Variants in NKX3-2 observed in about 807,000 individuals in gnomAD.
The protein encoded by NKX3-2 is homeobox protein Nkx-3.2.
NKX3-2 carries 13 observed loss-of-function variants against 19.4 expected under a neutral mutation model. That is an observed-to-expected ratio of 0.67 (90% CI 0.44 to 1.07). NKX3-2 has a LOEUF of 1.07. Among genes scored for constraint, NKX3-2 ranks in the 50% least tolerant of loss-of-function variants. The probability of loss-of-function intolerance (pLI) is 0.00; values close to 1 mark genes in which losing one functional copy is unlikely to be tolerated. For missense variants in NKX3-2, 562 were observed against 488.2 expected, an observed-to-expected ratio of 1.15 and a Z score of -1.42; for synonymous variants, 269 against 230.5, an observed-to-expected ratio of 1.17 and a Z score of -1.51.
Position 13,542,309 on chromosome 4 carries a change from C to G in NKX3-2, c.686G>C (p.Arg229Pro). Reference protein sequence around the residue: ...FELERRFNHQRYLSGPERADL... With the variant: ...FELERRFNHQPYLSGPERADL... ...TGCGCGCTCGGGCCCGGACAGGTAG[C>G]GCTGGTGGTTAAAGCGGCGCTCCAG... The change falls in exon 2 of 2, where the codon CGC becomes CCC. Residue 229 changes from arginine (R) to proline (P), a missense_variant. By Grantham distance (103) the Arg-to-Pro change is moderately radical (BLOSUM62 -2). Coordinates refer to ENST00000382438, the MANE Select transcript of NKX3-2 (RefSeq NM_001189.4). The surrounding 1 kb of genome is among the most constrained non-coding windows in gnomAD (Gnocchi z 6.4). The G allele has an allele frequency of 1.2e-6, 2 of 1,601,918 alleles. No homozygotes were observed. The highest frequency in any genetic ancestry group is 1.7e-6 in the Non-Finnish European group (2 of 1,175,528).
upstream of NKX3-2, chr4:13,546,729 T>C (rs1274632313): frequency 2.8e-6 from 1 of 362,570 alleles, no homozygotes; most frequent in African/African-American, 2.1e-5. Flanking sequence ...TAGAGTAGGT[T>C]TGGGGCTACG....
rs557551943 is a variant in NKX3-2 at position 13,541,405 on chromosome 4, C to A, written c.*588G>T. 6.6e-6 allele frequency: 1 copy of A among 152,372 alleles called. No homozygotes were observed. Among genetic ancestry groups the A allele is most frequent in the African/African-American group, 2.4e-5 (1 of 41,566 alleles). The allele number at this position is 152,372 out of a possible 1,614,324, so 9.4% of individuals were successfully genotyped here. A position where few individuals can be genotyped will look rare whatever the true frequency, so the allele number is the denominator to read the frequency against. On this transcript the variant is annotated 3_prime_UTR_variant, in exon 2 of 2. Transcript: ENST00000382438. ...GCACCCCCACCCTAGCTCTGACACA[C>A]AGGAGGGGTGGAGCAGAGGGCCTGA...
chr4:13,547,637 G>A (rs925270916), upstream of NKX3-2: 30 of 163,828 alleles, frequency 1.8e-4, no homozygotes, highest in Non-Finnish European at 2.7e-4. Flanking sequence ...TGGATCCTAC[G>A]GGCCCCCTAC....
chr4:13,541,862 G>T lies in NKX3-2; in HGVS notation c.*131C>A. ...GCCAGGGGACAAGTCCTGGCTAACG[G>T]GAGCTGGAGCTGGGTTTCACCTCCA... On this transcript the variant is annotated 3_prime_UTR_variant, in exon 2 of 2. Transcript: ENST00000382438. The T allele has an allele frequency of 7.3e-7, 1 of 1,378,794 alleles. No individual in the cohort carries two copies. The highest frequency in any genetic ancestry group is 9.9e-7 in the Non-Finnish European group (1 of 1,014,130). The allele number at this position is 1,378,794 out of a possible 1,614,324, so 85.4% of individuals were successfully genotyped here.
chr4:13,547,718 G>C (rs1228120318), upstream of NKX3-2: 2 of 154,042 alleles, frequency 1.3e-5, no homozygotes, highest in South Asian at 4.1e-4. Flanking sequence ...TTCCGCGGGC[G>C]GCGGGCGGAG....
rs752935179 is a variant in NKX3-2, at chr4:13,542,007, C to T, written c.988G>A (p.Ala330Thr). 14 of 1,588,510 alleles carry T rather than the reference C, an allele frequency of 8.8e-6. No individual in the cohort carries two copies. The highest frequency in any genetic ancestry group is 7.0e-5 in the East Asian group (3 of 42,942). Residue 330 changes from alanine (A) to threonine (T), a missense_variant, in exon 2 of 2, where the codon GCA becomes ACA. Ala to Thr is a moderately conservative substitution (Grantham distance 58). Transcript: ENST00000382438. This position sits in a 1 kb window ranked among gnomAD's most constrained non-coding sequence, Gnocchi z 6.4. ...GWALSTCAAA[A>T]GTQ is the part of the protein sequence containing the mutation. ...CCCAAGCGGGTTCACTGGGTGCCTG[C>T]GGCAGCTGCGCAGGTGGAGAGCGCC...
In NKX3-2 at chr4:13,544,159, C is replaced by G; in HGVS notation, c.256G>C (p.Glu86Gln). 2.5e-6 allele frequency: 4 copies of G among 1,605,816 alleles called. No individual in the cohort carries two copies. The South Asian group carries it at 4.4e-5, about 18-fold the overall frequency. Residue 86 changes from glutamate to glutamine, a missense_variant, in exon 1 of 2, where the codon GAG (glutamate) becomes CAG (glutamine). Coordinates refer to ENST00000382438, the MANE Select transcript of NKX3-2 (RefSeq NM_001189.4). ...GTRTAAGRTA[E>Q]SPEGWDSDSA... Reference sequence around the variant, plus strand: ...TCCGAGTCCCAGCCTTCCGGGCTCTCCGCAGTCCGCCCCGCAGCTGTTCTG... The same window carrying G: ...TCCGAGTCCCAGCCTTCCGGGCTCTGCGCAGTCCGCCCCGCAGCTGTTCTG...
In NKX3-2 at chr4:13,543,785, C is replaced by G. The variant is rs1054124686; in HGVS notation, c.466+164G>C. 2.6e-5 allele frequency among the ~76,000 whole-genome samples: 4 copies of G among 152,224 alleles called. No homozygotes were observed. Among genetic ancestry groups the G allele is most frequent in the African/African-American group, 9.6e-5 (4 of 41,458 alleles). ...CTCCGGTCTCTCGCGGGCTCAGTTC[C>G]CGAAGTGATAGAGCAGCTCGCGCCA... On this transcript the variant is annotated intron_variant, in intron 1 of 1. Transcript: ENST00000382438. The surrounding 1 kb of genome is among the most constrained non-coding windows in gnomAD (Gnocchi z 7.1).
rs1329773623 is a variant in NKX3-2, at chr4:13,544,111, C to T, written c.304G>A (p.Glu102Lys). 6.3e-7 allele frequency: 1 copy of T among 1,599,658 alleles called. No individual in the cohort carries two copies. Among genetic ancestry groups the T allele is most frequent in the South Asian group, 1.1e-5 (1 of 88,966 alleles). The change falls in exon 1 of 2, where the codon GAG becomes AAG. Residue 102 changes from glutamate (E) to lysine (K), a missense_variant. Coordinates refer to ENST00000382438, the MANE Select transcript of NKX3-2 (RefSeq NM_001189.4). ...GCGTCCGCGCAGCGCCGCCTGCTCT[C>T]GTTCTCCTCGCTGAGCGCGGAGTCC... ...DSDSALSEENESRRRCADARG... is the reference protein window; with the variant it reads ...DSDSALSEENKSRRRCADARG...
chr4:13,541,009 A>AT lies in NKX3-2; in HGVS notation c.*983dup, dbSNP rs1473057399. On this transcript the variant is annotated 3_prime_UTR_variant, in exon 2 of 2. Coordinates refer to ENST00000382438, the MANE Select transcript of NKX3-2 (RefSeq NM_001189.4). ...CTGTTTAAGGGTAAGTGAGGGGCGG[A>AT]TAGGGGAGTCCCGGGCCAGAGCACT... is the stretch of plus-strand genomic sequence containing the variant. 6.6e-6 allele frequency: 1 copy of AT among 152,276 alleles called. No homozygotes were observed. The highest frequency in any genetic ancestry group is 6.5e-5 in the Admixed American group (1 of 15,282). 9.4% of individuals were successfully genotyped at this position (152,276 alleles called of 1,614,324 possible).
rs1204970111 is a variant in NKX3-2, at chr4:13,542,179, G to A, written c.816C>T (p.Ala272=). ...KRRQMAADLL[A]SAPAAKKVAV... ...CCACCTTCTTGGCGGCGGGCGCCGA[G>A]GCCAGCAGGTCGGCTGCCATCTGCC... Residue 272 remains alanine (A), a synonymous_variant, in exon 2 of 2, where the codon GCC becomes GCT. Coordinates refer to ENST00000382438, the MANE Select transcript of NKX3-2 (RefSeq NM_001189.4). The surrounding 1 kb of genome is among the most constrained non-coding windows in gnomAD (Gnocchi z 6.4). The A allele has an allele frequency of 1.9e-6, 3 of 1,608,546 alleles. No individual in the cohort carries two copies. The African/African-American group carries it at 4.0e-5, about 22-fold the overall frequency.
rs777324933 is a variant in NKX3-2 at position 13,543,458 on chromosome 4, G to A, written c.466+491C>T. On this transcript the variant is annotated intron_variant, in intron 1 of 1. Transcript: ENST00000382438. This position sits in a 1 kb window ranked among gnomAD's most constrained non-coding sequence, Gnocchi z 7.1. ...AAAGCTCTAGTTCTGCAGATTCTCA[G>A]CTCTGGCCCACTCGGAGGTGTTCTT... Among the ~76,000 whole-genome samples, 5 of 152,176 alleles carry A rather than the reference G, an allele frequency of 3.3e-5. No individual in the cohort carries two copies. The highest frequency in any genetic ancestry group is 7.3e-5 in the Non-Finnish European group (5 of 68,036).
At chr4:13,547,590 T>A (rs1403271447), upstream of NKX3-2, 1 of 188,268 alleles carries the variant, frequency 5.3e-6, no homozygotes, top group Non-Finnish European at 1.1e-5. Flanking sequence ...ACCTTTGTCT[T>A]CTTCCTCCTC....
chr4:13,544,231 C>A lies in NKX3-2; in HGVS notation c.184G>T (p.Ala62Ser), dbSNP rs756860449. The change falls in exon 1 of 2, where the codon GCG (alanine) becomes TCG (serine). Residue 62 changes from alanine (A) to serine (S), a missense_variant. By Grantham distance (99) the Ala-to-Ser change is moderately conservative. Transcript: ENST00000382438. ...AGAGAGTCCTCGGCGCCCCCCAACG[C>A]GCCCGCGTCCCTCTCCCCAAAGAGC... ...WRLFGERDAG[A>S]LGGAEDSLLA... The A allele has an allele frequency of 1.3e-5, 20 of 1,589,536 alleles. No individual in the cohort carries two copies. The highest frequency in any genetic ancestry group is 1.7e-5 in the Non-Finnish European group (20 of 1,175,602).
chr4:13,544,192 C>T lies in NKX3-2; in HGVS notation c.223G>A (p.Ala75Thr). Residue 75 changes from alanine (A) to threonine (T), a missense_variant, in exon 1 of 2, where the codon GCC becomes ACC. By Grantham distance (58) the Ala-to-Thr change is moderately conservative. Coordinates refer to ENST00000382438, the MANE Select transcript of NKX3-2 (RefSeq NM_001189.4). The part of the protein sequence containing the change: ...GAEDSLLASP[A>T]GTRTAAGRTA... ...CGCCCCGCAGCTGTTCTGGTACCGG[C>T]AGGAGACGCCAGCAGAGAGTCCTCG... 2 of 1,602,034 alleles carry T rather than the reference C, an allele frequency of 1.2e-6. No individual in the cohort carries two copies. The highest frequency in any genetic ancestry group is 4.5e-5 in the East Asian group (2 of 44,592).
In NKX3-2 at chr4:13,544,478, G is replaced by T. The variant is rs972482000; in HGVS notation, c.-64C>A. The T allele has an allele frequency of 7.4e-6, 9 of 1,208,096 alleles. No individual in the cohort carries two copies. In the South Asian group the frequency reaches 1.3e-4, roughly 18 times the overall value. 74.8% of individuals were successfully genotyped at this position (1,208,096 alleles called of 1,614,324 possible). ...TGGGGCGCCGAGCAGCTCCGAGCGG[G>T]ACAGAGAGCGCCGGCGGCCGCAGCG... On this transcript the variant is annotated 5_prime_UTR_variant, in exon 1 of 2. Coordinates refer to ENST00000382438, the MANE Select transcript of NKX3-2 (RefSeq NM_001189.4).
At position 13,542,111 on chromosome 4, in the gene NKX3-2, G is replaced by A; in HGVS notation, c.884C>T (p.Pro295Leu). The A allele has an allele frequency of 6.2e-7, 1 of 1,608,236 alleles. No homozygotes were observed. The highest frequency in any genetic ancestry group is 8.5e-7 in the Non-Finnish European group (1 of 1,175,766). Residue 295 changes from proline to leucine, a missense_variant, in exon 2 of 2, where the codon CCC becomes CTC. Pro to Leu is a moderately conservative substitution (Grantham distance 98). Coordinates refer to ENST00000382438, the MANE Select transcript of NKX3-2 (RefSeq NM_001189.4). This position sits in a 1 kb window ranked among gnomAD's most constrained non-coding sequence, Gnocchi z 6.4. ...CGAGGGTGGCCGCAGCACTTCGCCGGGCAGGTATTGTCTCTGGTCGTCGCG... is the reference window on the plus strand; with the variant it reads ...CGAGGGTGGCCGCAGCACTTCGCCGAGCAGGTATTGTCTCTGGTCGTCGCG... ...LVRDDQRQYL[P>L]GEVLRPPSLL...
chr4:13,543,189 G>A lies in NKX3-2; in HGVS notation c.467-661C>T, dbSNP rs753668686. ...GATCCCACACCAGCTTCTCGGTCTC[G>A]TACCCGCCCTTCCGAAGAACTCCAG... is the stretch of plus-strand genomic sequence containing the variant. On this transcript the variant is annotated intron_variant, in intron 1 of 1. Coordinates refer to ENST00000382438, the MANE Select transcript of NKX3-2 (RefSeq NM_001189.4). The surrounding 1 kb of genome is among the most constrained non-coding windows in gnomAD (Gnocchi z 7.1). Among the ~76,000 whole-genome samples, 2 of 151,988 alleles carry A rather than the reference G, an allele frequency of 1.3e-5. No homozygotes were observed. Among genetic ancestry groups the A allele is most frequent in the African/African-American group, 2.4e-5 (1 of 41,370 alleles).
At position 13,544,165 on chromosome 4, in the gene NKX3-2, T is replaced by TCCGCCC. The variant is rs1227011001; in HGVS notation, c.244_249dup (p.Gly82_Arg83dup). On this transcript the variant is annotated inframe_insertion, in exon 1 of 2. Transcript: ENST00000382438. ...TCCCAGCCTTCCGGGCTCTCCGCAGTCCGCCCCGCAGCTGTTCTGGTACCG... is the reference window on the plus strand; with the variant it reads ...TCCCAGCCTTCCGGGCTCTCCGCAGTCCGCCCCCGCCCCGCAGCTGTTCTGGTACCG... The TCCGCCC allele has an allele frequency of 1.1e-5, 18 of 1,605,660 alleles. No homozygotes were observed. The African/African-American group carries it at 2.3e-4, about 20-fold the overall frequency.
Sources: allele counts gnomAD v4.1 joint callset (sites outside exome capture counted in the v4.1 genomes callset), GRCh38; gene constraint gnomAD v4.1.1; non-coding constraint Gnocchi (gnomAD v3.1); transcripts MANE v1.5; gene names NCBI Gene and HGNC (gene_info 2026-07-23, HGNC 2026-07-21).